Variants in ANKS1B observed in about 807,000 individuals in gnomAD.
ANKS1B encodes ankyrin repeat and sterile alpha motif domain-containing protein 1B.
ANKS1B carries 36 observed loss-of-function variants against 148.3 expected under a neutral mutation model. The ratio of observed to expected loss-of-function variants is 0.24; its 90% CI spans 0.19 to 0.32. ANKS1B has a LOEUF of 0.32. ANKS1B is among the 10% of genes least tolerant of loss of function. ANKS1B has a pLI of 1.00. For missense variants in ANKS1B, 1,157 were observed against 1,542.6 expected (o/e 0.75, Z 4.19); for synonymous variants, 542 against 560.8 (o/e 0.97, Z 0.47).
chr12:99,170,820 A>T (rs2077677244), intron 14 of ANKS1B, among the ~76,000 whole-genome samples: 1 of 152,214 alleles, frequency 6.6e-6, no homozygotes, highest in South Asian at 2.1e-4. Context: ...TGGTCTTTGC[A>T]ATTTATCTAA....
chr12:99,153,287 T>A (rs1298555600), intron 15 of ANKS1B, among the ~76,000 whole-genome samples: 1 of 152,172 alleles, frequency 6.6e-6, no homozygotes, highest in African/African-American at 2.4e-5. Flanking sequence ...TTTCTGGTAC[T>A]AGTAAGCTGC....
intron 8 of ANKS1B, among the ~76,000 whole-genome samples, chr12:99,748,831 C>A (rs901724373): frequency 6.6e-6 from 1 of 152,050 alleles, no homozygotes; most frequent in African/African-American, 2.4e-5. Context: ...ATATGGAATA[C>A]CAGCATAGCC....
At chr12:99,806,983 G>A (rs2067701717) in intron 3 of ANKS1B, among the ~76,000 whole-genome samples, 1 of 152,050 alleles carries the variant, frequency 6.6e-6, no homozygotes. Flanking sequence ...GTTTGTCAGA[G>A]GCCCTCCTGG....
chr12:99,575,519 G>A (rs1457776118), intron 9 of ANKS1B, among the ~76,000 whole-genome samples: 1 of 152,036 alleles, frequency 6.6e-6, no homozygotes, highest in Non-Finnish European at 1.5e-5. Flanking sequence ...ACATGGCTGG[G>A]GAGGCCTCAC....
chr12:99,125,150 A>G (rs1216155317), intron 15 of ANKS1B, among the ~76,000 whole-genome samples: 3 of 152,112 alleles, frequency 2.0e-5, no homozygotes, highest in Non-Finnish European at 2.9e-5. Context: ...CAGAGAGGGG[A>G]AAATTGATGA....
chr12:99,627,935 C>A (rs959758227), intron 9 of ANKS1B, among the ~76,000 whole-genome samples: 4 of 152,104 alleles, frequency 2.6e-5, no homozygotes, highest in African/African-American at 9.7e-5. Flanking sequence ...GGAAGAAGTA[C>A]CCATCTCGCA....
chr12:99,881,602 G>A (rs1043328174), intron 1 of ANKS1B, among the ~76,000 whole-genome samples: 1 of 152,178 alleles, frequency 6.6e-6, no homozygotes, highest in South Asian at 2.1e-4. Flanking sequence ...CACATACAGA[G>A]ATATGATCTT....
chr12:99,639,326 T>C (rs2098277794), intron 9 of ANKS1B, among the ~76,000 whole-genome samples: 1 of 152,248 alleles, frequency 6.6e-6, no homozygotes, highest in African/African-American at 2.4e-5. Context: ...AACTTGCTTT[T>C]GATTTTACAG....
At chr12:99,829,440 G>A (rs1356092633) in intron 1 of ANKS1B, among the ~76,000 whole-genome samples, 1 of 152,120 alleles carries the variant, frequency 6.6e-6, no homozygotes, top group Non-Finnish European at 1.5e-5. Flanking sequence ...CATGAGGTCA[G>A]GAGATCGAGA....
At chr12:99,510,633 G>A (rs1274460247) in intron 9 of ANKS1B, among the ~76,000 whole-genome samples, 2 of 152,020 alleles carry the variant, frequency 1.3e-5, no homozygotes, top group African/African-American at 4.8e-5. Context: ...CACTCCTGGT[G>A]AAGATGCTGT....
intron 15 of ANKS1B, among the ~76,000 whole-genome samples, chr12:99,101,082 C>A (rs751028249): frequency 9.2e-5 from 14 of 152,140 alleles, no homozygotes; most frequent in Non-Finnish European, 1.9e-4. Flanking sequence ...GAGTGAAAAC[C>A]AGAAAGCAGT....
At chr12:99,833,767 A>G (rs867283966) in intron 1 of ANKS1B, among the ~76,000 whole-genome samples, 15 of 152,214 alleles carry the variant, frequency 9.9e-5, no homozygotes, top group African/African-American at 3.6e-4. Flanking sequence ...GTAAGAGAAG[A>G]TATTTATAAC....
intron 9 of ANKS1B, among the ~76,000 whole-genome samples, chr12:99,560,768 T>C (rs2097325247): frequency 6.6e-6 from 1 of 152,100 alleles, no homozygotes; most frequent in South Asian, 2.1e-4. Flanking sequence ...TGCCTCAGTA[T>C]TGATGGCTGC....
At chr12:99,143,733 A>C (rs1239780661) in intron 15 of ANKS1B, among the ~76,000 whole-genome samples, 1 of 152,026 alleles carries the variant, frequency 6.6e-6, no homozygotes, top group Non-Finnish European at 1.5e-5. Flanking sequence ...TATGGTGAGA[A>C]AGTTTCCTTA....
chr12:99,360,056 C>G (rs1202010367), intron 12 of ANKS1B, among the ~76,000 whole-genome samples: 1 of 152,118 alleles, frequency 6.6e-6, no homozygotes, highest in Non-Finnish European at 1.5e-5. Context: ...AAGAAAACTA[C>G]AGTAAACTCT....
intron 11 of ANKS1B, among the ~76,000 whole-genome samples, chr12:99,436,839 T>A (rs1208788561): frequency 6.6e-6 from 1 of 152,010 alleles, no homozygotes; most frequent in Admixed American, 6.6e-5. Context: ...AATCATCTCC[T>A]TTAGTGTCTT....
intron 1 of ANKS1B, among the ~76,000 whole-genome samples, chr12:99,852,413 T>C (rs1263226868): frequency 6.6e-6 from 1 of 152,238 alleles, no homozygotes; most frequent in Non-Finnish European, 1.5e-5. Flanking sequence ...GCTATAAATA[T>C]GCATTCACTT....
At chr12:99,175,071 G>GAT (rs1268236870) in intron 14 of ANKS1B, among the ~76,000 whole-genome samples, 2 of 152,036 alleles carry the variant, frequency 1.3e-5, no homozygotes, top group Non-Finnish European at 2.9e-5. Context: ...GCTGATGTTG[G>GAT]ATATAAGAAC....
At chr12:99,617,247 A>G (rs1022162217) in intron 9 of ANKS1B, among the ~76,000 whole-genome samples, 1 of 152,222 alleles carries the variant, frequency 6.6e-6, no homozygotes, top group Non-Finnish European at 1.5e-5. Context: ...TTCCTCAATG[A>G]TATAAAACCA....
Sources: gnomAD v4.1 joint callset for allele counts (sites outside exome capture counted in the v4.1 genomes callset) on GRCh38, gnomAD v4.1.1 for gene constraint, MANE v1.5 for transcripts, NCBI Gene and HGNC (gene_info 2026-07-23, HGNC 2026-07-21) for gene names.